Variants in PCDHGA5 observed in about 807,000 individuals in gnomAD.
PCDHGA5 encodes protocadherin gamma subfamily A, 5, also known as protocadherin gamma-A5.
In PCDHGA5, 36 loss-of-function variants were observed where a neutral mutation model predicts 56.7. That is an observed-to-expected ratio of 0.64 (90% CI 0.49 to 0.84). The LOEUF (loss-of-function observed/expected upper bound fraction) is 0.84. Ranked by LOEUF, PCDHGA5 falls within the 40% of genes least tolerant of loss-of-function variation. PCDHGA5 has a pLI of 0.00. For missense variants in PCDHGA5, 1,305 were observed against 1,201.5 expected, an observed-to-expected ratio of 1.09 and a Z score of -1.27; for synonymous variants, 563 against 520.2, an observed-to-expected ratio of 1.08 and a Z score of -1.12.
In PCDHGA5 at chr5:141,413,327, A is replaced by T. The variant is rs200027912; in HGVS notation, c.2421+46576A>T. ...TTAGAGAAAGGCTCTTTCGTGGGCA[A>T]CATCTCCAAGGACTTGGGTCTGGCG... On this transcript the variant is annotated intron_variant, in intron 1 of 3. Transcript: ENST00000518069. The T allele has an allele frequency of 2.6e-4, 421 of 1,613,984 alleles. 1 individual carries two copies. The highest frequency in any genetic ancestry group is 1.1e-3 in the South Asian group (96 of 91,090).
At chr5:141,438,091 C>T (rs964466012) in intron 1 of PCDHGA5, among the ~76,000 whole-genome samples, 1 of 152,098 alleles carries the variant, frequency 6.6e-6, no homozygotes, top group Admixed American at 6.6e-5. Flanking sequence ...TTACCAGTAA[C>T]AGGGCATACT....
At chr5:141,398,983 C>T (rs2093734558) in intron 1 of PCDHGA5, 1 of 1,613,944 alleles carries the variant, frequency 6.2e-7, no homozygotes. Context: ...CAGAACCGGG[C>T]AAATCTTTAG....
intron 1 of PCDHGA5, chr5:141,384,518 C>A: frequency 1.2e-6 from 2 of 1,614,192 alleles, no homozygotes; most frequent in South Asian, 2.2e-5. Context: ...AGCGGGGACC[C>A]GCCTCTCAGC....
chr5:141,389,111 C>G (rs752785695), intron 1 of PCDHGA5: 8 of 1,614,008 alleles, frequency 5.0e-6, no homozygotes, highest in Non-Finnish European at 6.8e-6. Flanking sequence ...CTGTTCTAGA[C>G]CGCGAGCAGA....
At chr5:141,455,270 A>T (rs2098818132) in intron 1 of PCDHGA5, among the ~76,000 whole-genome samples, 1 of 151,958 alleles carries the variant, frequency 6.6e-6, no homozygotes, top group South Asian at 2.1e-4. Context: ...CTTCCCATTG[A>T]TTATTAACAT....
intron 1 of PCDHGA5, chr5:141,441,669 T>C: frequency 3.5e-6 from 1 of 287,870 alleles, no homozygotes; most frequent in Non-Finnish European, 6.8e-6. Context: ...GAGCGCACAG[T>C]GCGCCTTCGA....
At chr5:141,369,282 C>T (rs908116391) in intron 1 of PCDHGA5, among the ~76,000 whole-genome samples, 3 of 152,074 alleles carry the variant, frequency 2.0e-5, no homozygotes, top group Admixed American at 2.0e-4. Flanking sequence ...ATTCACTCCC[C>T]AATCCTAATA....
At chr5:141,372,333 C>A (rs376897075) in intron 1 of PCDHGA5, 5 of 1,613,732 alleles carry the variant, frequency 3.1e-6, no homozygotes, top group Non-Finnish European at 4.2e-6. Context: ...GGTCACTGTG[C>A]GTGATGGAGG....
intron 1 of PCDHGA5, chr5:141,375,721 G>T (rs1194190814): frequency 6.2e-7 from 1 of 1,614,266 alleles, no homozygotes; most frequent in South Asian, 1.1e-5. Context: ...GCAGCAACGT[G>T]TCACTGAGCC....
rs922668811 is a variant in PCDHGA5 at position 141,432,984 on chromosome 5, G to A, written c.2422-61823G>A. On this transcript the variant is annotated intron_variant, in intron 1 of 3. Transcript: ENST00000518069. This position sits in a 1 kb window ranked among gnomAD's most constrained non-coding sequence, Gnocchi z 6.0. ...GGAGCGCCGGCGTCGCACTTTGTGG[G>A]CGTGGACGGGGTGCAGGCTTTCCTG... 1.9e-6 allele frequency: 3 copies of A among 1,614,214 alleles called. No individual in the cohort carries two copies. Among genetic ancestry groups the A allele is most frequent in the Admixed American group, 1.7e-5 (1 of 60,028 alleles).
chr5:141,370,314 T>A, intron 1 of PCDHGA5: 4 of 1,280,798 alleles, frequency 3.1e-6, no homozygotes, highest in Non-Finnish European at 4.3e-6. Context: ...AGCAAATAGT[T>A]GGTCCTGCTC....
At chr5:141,382,129 C>T (rs1174612163) in intron 1 of PCDHGA5, among the ~76,000 whole-genome samples, 2 of 152,012 alleles carry the variant, frequency 1.3e-5, no homozygotes, top group African/African-American at 2.4e-5. Flanking sequence ...CACCTGGCCC[C>T]CCCTCTCATT....
intron 3 of PCDHGA5, among the ~76,000 whole-genome samples, chr5:141,506,444 C>CAA (rs1219684339): frequency 1.2e-3 from 116 of 94,976 alleles, no homozygotes; most frequent in African/African-American, 4.2e-3. Flanking sequence ...CGCTCTGTCT[C>CAA]AAAAAAAAAA....
In PCDHGA5 at chr5:141,382,880, G is replaced by C. The variant is rs959397097; in HGVS notation, c.2421+16129G>C. The C allele has an allele frequency of 5.2e-6, 8 of 1,526,962 alleles. No homozygotes were observed. The African/African-American group carries it at 5.6e-5, about 11-fold the overall frequency. The allele number at this position is 1,526,962 out of a possible 1,614,324, so 94.6% of individuals were successfully genotyped here. ...AGCACTTCCCGAGATCGGCGCCTAA[G>C]CAAGAGAAGCAGGACGACTATGGCG... On this transcript the variant is annotated intron_variant, in intron 1 of 3. Transcript: ENST00000518069.
In PCDHGA5 at chr5:141,427,737, G is replaced by C. The variant is rs1460682938; in HGVS notation, c.2421+60986G>C. 2.5e-6 allele frequency: 3 copies of C among 1,223,986 alleles called. No homozygotes were observed. The African/African-American group carries it at 4.4e-5, about 18-fold the overall frequency. 75.8% of individuals were successfully genotyped at this position (1,223,986 alleles called of 1,614,324 possible). A position where few individuals can be genotyped will look rare whatever the true frequency, so the allele number is the denominator to read the frequency against. On this transcript the variant is annotated intron_variant, in intron 1 of 3. Coordinates refer to ENST00000518069, the MANE Select transcript of PCDHGA5 (RefSeq NM_018918.3). The stretch of plus-strand genomic sequence containing the variant: ...CCTGGACCTAGGGCTGAATGGCCAA[G>C]TCTCCTACTCCATCGTTACCACTGA...
chr5:141,389,019 G>T, intron 1 of PCDHGA5: 3 of 1,614,000 alleles, frequency 1.9e-6, no homozygotes, highest in South Asian at 1.1e-5. Context: ...ACACAATGGA[G>T]AAGTGACTTG....
At chr5:141,434,462 C>T (rs2097695951) in intron 1 of PCDHGA5, among the ~76,000 whole-genome samples, 1 of 152,156 alleles carries the variant, frequency 6.6e-6, no homozygotes, top group Non-Finnish European at 1.5e-5. Flanking sequence ...GTGGGTTTAC[C>T]GGAATGAGGG....
chr5:141,389,488 A>G (rs1405287897), intron 1 of PCDHGA5: 2 of 1,612,912 alleles, frequency 1.2e-6, no homozygotes, highest in Non-Finnish European at 1.7e-6. Flanking sequence ...GCCCGCGACC[A>G]GGGCTCGCCA....
Position 141,487,562 on chromosome 5 carries a change from G to C in PCDHGA5, c.2422-7245G>C. The stretch of plus-strand genomic sequence containing the variant: ...GAAGTCACCCAGTGCACCTATGGCA[G>C]GGGAGCCTGTTCGCCCAAGCTGCCC... On this transcript the variant is annotated intron_variant, in intron 1 of 3. Coordinates refer to ENST00000518069, the MANE Select transcript of PCDHGA5 (RefSeq NM_018918.3). The surrounding 1 kb of genome is among the most constrained non-coding windows in gnomAD (Gnocchi z 5.0). The C allele has an allele frequency of 6.2e-7, 1 of 1,614,178 alleles. No homozygotes were observed.
Sources: gnomAD v4.1 joint callset for allele counts (sites outside exome capture counted in the v4.1 genomes callset) on GRCh38, gnomAD v4.1.1 for gene constraint, Gnocchi (gnomAD v3.1) non-coding constraint, MANE v1.5 for transcripts, NCBI Gene and HGNC (gene_info 2026-07-23, HGNC 2026-07-21) for gene names.